The following SPRED1 variants were observed in gnomAD, a reference collection of about 807,000 sequenced individuals.
SPRED1 encodes the protein sprouty related EVH1 domain containing 1.
In SPRED1, 18 loss-of-function variants were observed where a neutral mutation model predicts 52.3. The ratio of observed to expected loss-of-function variants is 0.34; its 90% CI spans 0.24 to 0.51. The LOEUF is 0.51. SPRED1 is among the 20% of genes least tolerant of loss of function. The pLI is 0.97. For missense variants in SPRED1, 485 were observed against 551.0 expected (o/e 0.88, Z 1.20); for synonymous variants, 155 against 179.7 (o/e 0.86, Z 1.10).
rs1026006404 is a variant in SPRED1 at position 38,355,906 on chromosome 15, A to G, written c.*4242A>G. 2.0e-5 allele frequency: 3 copies of G among 152,096 alleles called. No homozygotes were observed. The highest frequency in any genetic ancestry group is 4.4e-5 in the Non-Finnish European group (3 of 68,006). The allele number at this position is 152,096 out of a possible 1,614,324, so 9.4% of individuals were successfully genotyped here. A position where few individuals can be genotyped will look rare whatever the true frequency, so the allele number is the denominator to read the frequency against. The stretch of plus-strand genomic sequence containing the variant: ...TTCTTTAAGAGAGAAACACAACCGG[A>G]GGTGATTTATATAAACCAAAAGAAA... On this transcript the variant is annotated 3_prime_UTR_variant, in exon 7 of 7. Transcript: ENST00000299084.
At chr15:38,284,486 T>G (rs1894762617) in intron 1 of SPRED1, among the ~76,000 whole-genome samples, 1 of 152,148 alleles carries the variant, frequency 6.6e-6, no homozygotes, top group South Asian at 2.1e-4. Flanking sequence ...TAGTTTGTCA[T>G]TTGTCTTCTA....
intron 4 of SPRED1, among the ~76,000 whole-genome samples, chr15:38,325,154 G>A (rs1244668676): frequency 6.6e-6 from 1 of 152,012 alleles, no homozygotes; most frequent in East Asian, 1.9e-4. Flanking sequence ...AACTTTTTGA[G>A]TATGGACATG....
In SPRED1 at chr15:38,352,238, GTAGA is replaced by G. The variant is rs1888506172; in HGVS notation, c.*577_*580del. On this transcript the variant is annotated 3_prime_UTR_variant, in exon 7 of 7. Transcript: ENST00000299084. ...TTTTCTTCCCCTTCCTAGTTCTGAA[GTAGA>G]TATATATATATATATATCTACTGTC... The G allele has an allele frequency of 6.8e-6, 1 of 146,034 alleles. No individual in the cohort carries two copies. The highest frequency in any genetic ancestry group is 1.5e-5 in the Non-Finnish European group (1 of 67,272). 9.0% of individuals were successfully genotyped at this position (146,034 alleles called of 1,614,324 possible).
At chr15:38,349,178 T>C (rs1316890810) in intron 5 of SPRED1, among the ~76,000 whole-genome samples, 1 of 152,182 alleles carries the variant, frequency 6.6e-6, no homozygotes, top group Non-Finnish European at 1.5e-5. Flanking sequence ...AGTTGATGAA[T>C]ATTTGGGTTG....
At chr15:38,338,018 T>C (rs1227961261) in intron 4 of SPRED1, among the ~76,000 whole-genome samples, 10 of 111,082 alleles carry the variant, frequency 9.0e-5, no homozygotes, top group Non-Finnish European at 1.6e-4. Flanking sequence ...CTGGCCAACA[T>C]AGTGAAACCC....
intron 1 of SPRED1, among the ~76,000 whole-genome samples, chr15:38,292,547 C>T (rs1397621756): frequency 6.6e-6 from 1 of 152,076 alleles, no homozygotes; most frequent in Non-Finnish European, 1.5e-5. Context: ...AGGCGAAAGG[C>T]ATTTATATGA....
chr15:38,288,056 G>T (rs1468063120), intron 1 of SPRED1, among the ~76,000 whole-genome samples: 1 of 152,052 alleles, frequency 6.6e-6, no homozygotes, highest in African/African-American at 2.4e-5. Context: ...GAAAAGTTCT[G>T]TATCTTACAG....
chr15:38,315,179 A>G (rs1595742684), intron 2 of SPRED1, among the ~76,000 whole-genome samples: 1 of 152,040 alleles, frequency 6.6e-6, no homozygotes, highest in East Asian at 1.9e-4. Flanking sequence ...ATTTAATCTG[A>G]ATTTGGAATT....
At chr15:38,273,958 C>T (rs1378567902) in intron 1 of SPRED1, among the ~76,000 whole-genome samples, 2 of 152,104 alleles carry the variant, frequency 1.3e-5, no homozygotes, top group African/African-American at 2.4e-5. Flanking sequence ...TAAATAATCC[C>T]GTCACTACTT....
At chr15:38,270,184 G>A (rs1894402319) in intron 1 of SPRED1, among the ~76,000 whole-genome samples, 1 of 152,190 alleles carries the variant, frequency 6.6e-6, no homozygotes. Context: ...TGGGATTACA[G>A]GCATGAGCCA....
At chr15:38,309,388 G>A (rs1208224455) in intron 2 of SPRED1, among the ~76,000 whole-genome samples, 6 of 152,190 alleles carry the variant, frequency 3.9e-5, no homozygotes, top group African/African-American at 1.4e-4. Flanking sequence ...TGATCTGCCC[G>A]CCTTAGCCTC....
At chr15:38,331,189 G>A (rs1175254090) in intron 4 of SPRED1, among the ~76,000 whole-genome samples, 2 of 151,962 alleles carry the variant, frequency 1.3e-5, no homozygotes, top group Non-Finnish European at 2.9e-5. Flanking sequence ...TATTGGCATG[G>A]GTTACTTTGT....
intron 4 of SPRED1, among the ~76,000 whole-genome samples, chr15:38,334,564 A>T (rs1424151002): frequency 6.6e-6 from 1 of 152,058 alleles, no homozygotes; most frequent in East Asian, 1.9e-4. Context: ...ATATGAATCC[A>T]TCAATTCATC....
intron 1 of SPRED1, among the ~76,000 whole-genome samples, chr15:38,292,047 C>T (rs1894934341): frequency 6.6e-6 from 1 of 152,156 alleles, no homozygotes; most frequent in Non-Finnish European, 1.5e-5. Flanking sequence ...AAACAACACC[C>T]AAGTCACCTT....
intron 1 of SPRED1, among the ~76,000 whole-genome samples, chr15:38,262,246 TA>T (rs1275480070): frequency 6.6e-6 from 1 of 152,228 alleles, no homozygotes; most frequent in Non-Finnish European, 1.5e-5. Context: ...ACTTTTGCCT[TA>T]GCTTTGGAGA....
At chr15:38,319,209 G>T (rs528616135) in intron 2 of SPRED1, among the ~76,000 whole-genome samples, 1 of 152,006 alleles carries the variant, frequency 6.6e-6, no homozygotes, top group South Asian at 2.1e-4. Context: ...TATGAATATA[G>T]TATAAATGTT....
intron 1 of SPRED1, among the ~76,000 whole-genome samples, chr15:38,274,118 C>A (rs1249366111): frequency 1.3e-5 from 2 of 152,184 alleles, no homozygotes; most frequent in Non-Finnish European, 2.9e-5. Context: ...TTAGAGTCTA[C>A]TTTAAGATCA....
At chr15:38,333,319 A>G (rs993896463) in intron 4 of SPRED1, among the ~76,000 whole-genome samples, 1 of 152,198 alleles carries the variant, frequency 6.6e-6, no homozygotes, top group Non-Finnish European at 1.5e-5. Context: ...ATTGTTGGGC[A>G]GAGGAATTGA....
At chr15:38,324,201 C>G (rs1595747813) in intron 3 of SPRED1, among the ~76,000 whole-genome samples, 1 of 152,096 alleles carries the variant, frequency 6.6e-6, no homozygotes, top group East Asian at 1.9e-4. Context: ...AGGACAAATC[C>G]TTTCTTATTA....
Sources: gnomAD v4.1 joint callset for allele counts (sites outside exome capture counted in the v4.1 genomes callset) on GRCh38, gnomAD v4.1.1 for gene constraint, MANE v1.5 for transcripts, NCBI Gene and HGNC (gene_info 2026-07-23, HGNC 2026-07-21) for gene names.